Variants in UBAP2L observed in about 807,000 individuals in gnomAD.
UBAP2L encodes ubiquitin-associated protein 2-like.
In UBAP2L, 12 loss-of-function variants were observed where a neutral mutation model predicts 130.6. The ratio of observed to expected loss-of-function variants is 0.09; its 90% confidence interval spans 0.06 to 0.15. UBAP2L has a LOEUF of 0.15. UBAP2L is among the 10% of genes least tolerant of loss of function. UBAP2L has a pLI of 1.00. For missense variants in UBAP2L, 965 were observed against 1,332.5 expected, an observed-to-expected ratio of 0.72 and a Z score of 4.29; for synonymous variants, 503 against 524.7, an observed-to-expected ratio of 0.96 and a Z score of 0.57.
chr1:154,253,658 C>T (rs1038192562), intron 14 of UBAP2L, among the ~76,000 whole-genome samples: 1 of 152,184 alleles, frequency 6.6e-6, no homozygotes, highest in Non-Finnish European at 1.5e-5. Context: ...AGGCGTGAGC[C>T]ACTGCGCCCG....
Position 154,259,797 on chromosome 1 carries a change from G to C in UBAP2L, c.2497-151G>C. Reference sequence around the variant, plus strand: ...GGGGGACAGTGTATGCAAGAGTAATGTGGAGTTTGTGCTAACTCTAGCCAG... The same window carrying C: ...GGGGGACAGTGTATGCAAGAGTAATCTGGAGTTTGTGCTAACTCTAGCCAG... On this transcript the variant is annotated intron_variant, in intron 21 of 26. Transcript: ENST00000428931. The C allele has an allele frequency of 8.2e-6, 7 of 850,618 alleles. No homozygotes were observed. The South Asian group carries it at 9.5e-5, about 11-fold the overall frequency. 52.7% of individuals were successfully genotyped at this position (850,618 alleles called of 1,614,324 possible). A position where few individuals can be genotyped will look rare whatever the true frequency, so the allele number is the denominator to read the frequency against.
rs1680994890 is a variant in UBAP2L, at chr1:154,259,936, C to A, written c.2497-12C>A. 7 of 1,613,020 alleles carry A rather than the reference C, an allele frequency of 4.3e-6. No homozygotes were observed. The highest frequency in any genetic ancestry group is 5.1e-6 in the Non-Finnish European group (6 of 1,179,216). On this transcript the variant is annotated splice_polypyrimidine_tract_variant and intron_variant, in intron 21 of 26. Transcript: ENST00000428931. Reference sequence around the variant, plus strand: ...ACATTGAATCTCTGCTCTTTTTTCCCCTCTTTTCTAGGATTACTACAGCAT... The same window carrying A: ...ACATTGAATCTCTGCTCTTTTTTCCACTCTTTTCTAGGATTACTACAGCAT...
In UBAP2L at chr1:154,255,737, T is replaced by A. The variant is rs1189820315; in HGVS notation, c.2139T>A (p.Thr713=). 1.2e-6 allele frequency: 2 copies of A among 1,614,106 alleles called. No homozygotes were observed. Residue 713 remains threonine, a synonymous_variant, in exon 18 of 27, where the codon ACT becomes ACA. Transcript: ENST00000428931. ...CATCATCAACATCTTCTGGGCGCAC[T>A]TCGACATCCACTCTTTTGGTAAGTG... ...TLSSSTSSGR[T]STSTLLHTSV...
intron 26 of UBAP2L, 48 bp downstream of exon 26, chr1:154,269,002 C>A: frequency 6.3e-7 from 1 of 1,599,784 alleles, no homozygotes; most frequent in Non-Finnish European, 8.5e-7. Context: ...TCCTTCCTAT[C>A]CCTTAAAACT....
chr1:154,243,617 C>T (rs774909799), intron 10 of UBAP2L, among the ~76,000 whole-genome samples: 4 of 152,072 alleles, frequency 2.6e-5, no homozygotes, highest in Non-Finnish European at 4.4e-5. Flanking sequence ...TGTGCCACCA[C>T]GCCTGGCTAA....
At chr1:154,233,307 G>C (rs1343932230) in intron 4 of UBAP2L, among the ~76,000 whole-genome samples, 1 of 150,046 alleles carries the variant, frequency 6.7e-6, no homozygotes, top group Admixed American at 6.6e-5. Context: ...GAGTCACCGC[G>C]CCTGGCCCTT....
In UBAP2L at chr1:154,255,667, T is replaced by A; in HGVS notation, c.2085-16T>A. ...TATAGCACTATGGCTGATGGCAGCC[T>A]CTTTTTTTCTGACAGCACGTTATCT... On this transcript the variant is annotated splice_polypyrimidine_tract_variant and intron_variant, in intron 17 of 26. Coordinates refer to ENST00000428931, the MANE Select transcript of UBAP2L (RefSeq NM_014847.4). The A allele has an allele frequency of 1.2e-6, 2 of 1,614,102 alleles. No individual in the cohort carries two copies. The highest frequency in any genetic ancestry group is 1.3e-5 in the African/African-American group (1 of 75,050).
chr1:154,251,323 T>G lies in UBAP2L; in HGVS notation c.1491+5T>G. 6.2e-7 allele frequency: 1 copy of G among 1,608,856 alleles called. No individual in the cohort carries two copies. Among genetic ancestry groups the G allele is most frequent in the Non-Finnish European group, 8.5e-7 (1 of 1,177,952 alleles). On this transcript the variant is annotated splice_donor_5th_base_variant and intron_variant, in intron 13 of 26. Coordinates refer to ENST00000428931, the MANE Select transcript of UBAP2L (RefSeq NM_014847.4). ...AAAGCCTCCTTGACTTCTAAGGTAC[T>G]TAAACTTTTAGGTAGATACCATTTT...
At position 154,270,352 on chromosome 1, in the gene UBAP2L, C is replaced by T. The variant is rs1684474903; in HGVS notation, c.*57C>T. The T allele has an allele frequency of 1.9e-6, 3 of 1,611,298 alleles. No individual in the cohort carries two copies. In the African/African-American group the frequency reaches 4.0e-5, roughly 21 times the overall value. ...CTGAGAGGGCTTCTCAGCCTGGAAA[C>T]TATGGAAACAGCATCAAAGAGAAAG... On this transcript the variant is annotated 3_prime_UTR_variant, in exon 27 of 27. Transcript: ENST00000428931.
At chr1:154,256,543 G>C (rs1027643331) in intron 18 of UBAP2L, among the ~76,000 whole-genome samples, 2 of 152,214 alleles carry the variant, frequency 1.3e-5, no homozygotes, top group Admixed American at 1.3e-4. Flanking sequence ...GGAGGCTGAA[G>C]TGGAAGGACT....
intron 4 of UBAP2L, among the ~76,000 whole-genome samples, chr1:154,230,131 C>T (rs546255304): frequency 2.6e-5 from 4 of 152,050 alleles, no homozygotes; most frequent in East Asian, 1.9e-4. Context: ...CTCAGCTTCC[C>T]GAGTAGCTGG....
intron 6 of UBAP2L, 79 bp downstream of exon 6, chr1:154,235,370 T>TA (rs1671288082): frequency 1.6e-6 from 1 of 636,520 alleles, no homozygotes; most frequent in South Asian, 1.9e-5. Context: ...TTTTTTTTTT[T>TA]ATTGGAGGTA....
At chr1:154,245,218 C>T (rs1237489177) in intron 10 of UBAP2L, among the ~76,000 whole-genome samples, 1 of 152,164 alleles carries the variant, frequency 6.6e-6, no homozygotes, top group East Asian at 1.9e-4. Flanking sequence ...GCCACTGCAT[C>T]CAGCCTTATC....
chr1:154,269,024 C>A, intron 26 of UBAP2L, 70 bp downstream of exon 26: 1 of 1,554,632 alleles, frequency 6.4e-7, no homozygotes, highest in East Asian at 2.3e-5. Flanking sequence ...CCTTCCCTTT[C>A]CTTTTCTTAC....
At chr1:154,246,996 C>G (rs1442684052) in intron 11 of UBAP2L, among the ~76,000 whole-genome samples, 3 of 152,142 alleles carry the variant, frequency 2.0e-5, no homozygotes, top group Admixed American at 6.5e-5. Context: ...TTAAAACATC[C>G]AAGGTCATTA....
rs560080876 is a variant in UBAP2L at position 154,255,100 on chromosome 1, T to A, written c.1910-52T>A. ...GCCTTGGACTGTGGTCACCTCTCTA[T>A]AGACATTCCCTTTTTTCTGATGAGA... On this transcript the variant is annotated intron_variant, in intron 16 of 26. Transcript: ENST00000428931. 1.0e-5 allele frequency: 16 copies of A among 1,595,562 alleles called. No individual in the cohort carries two copies. The South Asian group carries it at 1.8e-4, about 18-fold the overall frequency.
chr1:154,232,841 A>G (rs935559774), intron 4 of UBAP2L, among the ~76,000 whole-genome samples: 1 of 151,958 alleles, frequency 6.6e-6, no homozygotes, highest in South Asian at 2.1e-4. Flanking sequence ...GGGTGACAGG[A>G]GTGTACCACC....
At chr1:154,240,703 CCTT>C in intron 8 of UBAP2L, among the ~76,000 whole-genome samples, 1 of 152,032 alleles carries the variant, frequency 6.6e-6, no homozygotes, top group South Asian at 2.1e-4. Context: ...TCAAACCCAC[CCTT>C]CTTCACTGCT....
At chr1:154,258,335 G>T (rs1441930280) in intron 20 of UBAP2L, among the ~76,000 whole-genome samples, 1 of 152,174 alleles carries the variant, frequency 6.6e-6, no homozygotes, top group Non-Finnish European at 1.5e-5. Context: ...TGCTGGTCTG[G>T]CCTGGTTAGA....
Sources: gnomAD v4.1 joint callset for allele counts (sites outside exome capture counted in the v4.1 genomes callset) on GRCh38, gnomAD v4.1.1 for gene constraint, MANE v1.5 for transcripts, NCBI Gene and HGNC (gene_info 2026-07-23, HGNC 2026-07-21) for gene names.